Variants in SKAP2 observed in about 807,000 individuals in gnomAD.
SKAP2 encodes src kinase associated phosphoprotein 2.
SKAP2 carries 28 observed loss-of-function variants against 54.9 expected under a neutral mutation model. The observed-to-expected ratio is 0.51, with a 90% confidence interval of 0.38 to 0.70. SKAP2 has a LOEUF of 0.70. Among genes scored for constraint, SKAP2 ranks in the 30% least tolerant of loss-of-function variants. The pLI, the probability that SKAP2 is intolerant of heterozygous loss-of-function variation, is 0.00. For synonymous variants in SKAP2, 137 were observed against 134.3 expected, an observed-to-expected ratio of 1.02 and a Z score of -0.14; for missense variants, 356 against 424.1, an observed-to-expected ratio of 0.84 and a Z score of 1.41.
At chr7:26,810,829 A>G (rs760468882) in intron 4 of SKAP2, among the ~76,000 whole-genome samples, 21 of 151,992 alleles carry the variant, frequency 1.4e-4, no homozygotes, top group Non-Finnish European at 1.8e-4. Context: ...CTACAGGCAC[A>G]CGCCACCATG....
At chr7:26,708,012 G>C (rs1787204121) in intron 9 of SKAP2, among the ~76,000 whole-genome samples, 1 of 152,154 alleles carries the variant, frequency 6.6e-6, no homozygotes, top group Admixed American at 6.5e-5. Flanking sequence ...GAGGTAAGGA[G>C]AAAACCTGAT....
intron 4 of SKAP2, among the ~76,000 whole-genome samples, chr7:26,775,498 A>G (rs1221582225): frequency 6.6e-6 from 1 of 150,786 alleles, no homozygotes; most frequent in Non-Finnish European, 1.5e-5. Flanking sequence ...ACAATTCACC[A>G]ATATTATTTA....
chr7:26,817,013 A>C (rs73067474), intron 4 of SKAP2, among the ~76,000 whole-genome samples: 12,953 of 152,116 alleles, frequency 0.085, 721 homozygotes, highest in Non-Finnish European at 0.14. Context: ...ACCACACCTA[A>C]CTCACTTTTC....
intron 4 of SKAP2, among the ~76,000 whole-genome samples, chr7:26,767,889 T>G (rs138791498): frequency 6.6e-6 from 1 of 152,210 alleles, no homozygotes; most frequent in African/African-American, 2.4e-5. Flanking sequence ...AATTATGTGG[T>G]CAATTTTAGA....
chr7:26,684,739 G>T lies in SKAP2; in HGVS notation c.984C>A (p.Ser328Arg). The T allele has an allele frequency of 6.3e-7, 1 of 1,597,566 alleles. No homozygotes were observed. Among genetic ancestry groups the T allele is most frequent in the Non-Finnish European group, 8.6e-7 (1 of 1,165,540 alleles). ...TCATTTTGGGGTATCTTCTTACCTT[G>T]CTAAGAATGTAAATCACATCACCAC... ...FKRGDVIYILSKEYNRYGWWV... is the reference protein window; with the variant it reads ...FKRGDVIYILRKEYNRYGWWV... Residue 328 changes from serine to arginine, a missense_variant, in exon 11 of 13, where the codon AGC becomes AGA. Coordinates refer to ENST00000345317, the MANE Select transcript of SKAP2 (RefSeq NM_003930.5).
intron 4 of SKAP2, among the ~76,000 whole-genome samples, chr7:26,796,931 C>G (rs113974172): frequency 1.3e-5 from 2 of 152,200 alleles, no homozygotes; most frequent in African/African-American, 4.8e-5. Context: ...ATATCCCTTA[C>G]TCCTTTACCA....
intron 9 of SKAP2, among the ~76,000 whole-genome samples, chr7:26,705,361 T>C (rs1787134308): frequency 1.3e-5 from 2 of 152,170 alleles, no homozygotes; most frequent in Non-Finnish European, 2.9e-5. Context: ...AGCCCAACCA[T>C]AGTACTTAAT....
At chr7:26,693,631 T>A (rs56287040) in intron 9 of SKAP2, among the ~76,000 whole-genome samples, 2 of 152,350 alleles carry the variant, frequency 1.3e-5, no homozygotes, top group African/African-American at 2.4e-5. Context: ...ATGTTTACTA[T>A]AAAATATCCA....
chr7:26,784,884 C>A (rs543263033), intron 4 of SKAP2, among the ~76,000 whole-genome samples: 40 of 152,160 alleles, frequency 2.6e-4, no homozygotes, highest in African/African-American at 8.7e-4. Flanking sequence ...CATCAAAAAA[C>A]TGTAAATAAG....
intron 10 of SKAP2, among the ~76,000 whole-genome samples, chr7:26,687,040 T>G (rs1208650064): frequency 2.6e-5 from 4 of 151,906 alleles, no homozygotes; most frequent in Non-Finnish European, 5.9e-5. Context: ...TTTTTCAGAT[T>G]CTCTTACAAT....
At chr7:26,762,646 G>A (rs1782959113) in intron 4 of SKAP2, among the ~76,000 whole-genome samples, 1 of 151,732 alleles carries the variant, frequency 6.6e-6, no homozygotes, top group African/African-American at 2.4e-5. Context: ...GACCATCCTG[G>A]CTAAGATGAT....
chr7:26,723,006 C>T (rs2127954866), intron 9 of SKAP2, among the ~76,000 whole-genome samples: 1 of 152,266 alleles, frequency 6.6e-6, no homozygotes. Flanking sequence ...ATCAGAGATA[C>T]ATAGTTCTTT....
chr7:26,825,580 TAAAA>T (rs3069884), intron 4 of SKAP2, among the ~76,000 whole-genome samples: 10 of 129,096 alleles, frequency 7.7e-5, no homozygotes, highest in Admixed American at 7.8e-5. Context: ...AGCAAACAGT[TAAAA>T]AAAAAAAAAA....
At chr7:26,811,327 A>T (rs1784139684) in intron 4 of SKAP2, among the ~76,000 whole-genome samples, 1 of 152,176 alleles carries the variant, frequency 6.6e-6, no homozygotes, top group African/African-American at 2.4e-5. Context: ...TTATTCTGAT[A>T]TATTTCTCTA....
At chr7:26,738,586 C>A (rs1782358033) in intron 6 of SKAP2, among the ~76,000 whole-genome samples, 1 of 152,084 alleles carries the variant, frequency 6.6e-6, no homozygotes, top group South Asian at 2.1e-4. Context: ...TAATTCAATA[C>A]AACACAATTG....
At chr7:26,822,743 C>T (rs57623217) in intron 4 of SKAP2, among the ~76,000 whole-genome samples, 32,156 of 151,384 alleles carry the variant, frequency 0.21, 3,485 homozygotes, top group Non-Finnish European at 0.24. Flanking sequence ...ATTAGCCAGG[C>T]GTGGTGGCGG....
intron 1 of SKAP2, 66 bp from the exon 2 acceptor site, chr7:26,854,956 A>C: frequency 8.9e-7 from 1 of 1,124,746 alleles, no homozygotes. Flanking sequence ...GAAGATAAAT[A>C]GGACAATGAT....
chr7:26,765,632 G>A (rs879270635), intron 4 of SKAP2, among the ~76,000 whole-genome samples: 1 of 151,990 alleles, frequency 6.6e-6, no homozygotes, highest in Non-Finnish European at 1.5e-5. Flanking sequence ...ATCCACCTTG[G>A]GTTAATTTTT....
intron 4 of SKAP2, among the ~76,000 whole-genome samples, chr7:26,804,694 GCA>G (rs1783989499): frequency 6.9e-6 from 1 of 145,490 alleles, no homozygotes; most frequent in Non-Finnish European, 1.5e-5. Flanking sequence ...AGCCGAAATA[GCA>G]CCACTGCACT....
Sources: gnomAD v4.1 joint callset for allele counts (sites outside exome capture counted in the v4.1 genomes callset) on GRCh38, gnomAD v4.1.1 for gene constraint, MANE v1.5 for transcripts, NCBI Gene and HGNC (gene_info 2026-07-23, HGNC 2026-07-21) for gene names.